The following STATH variants were observed in gnomAD, a reference collection of about 807,000 sequenced individuals.
STATH encodes statherin.
In STATH, 11 loss-of-function variants were observed where a neutral mutation model predicts 13.3. The ratio of observed to expected loss-of-function variants is 0.83; its 90% confidence interval spans 0.52 to 1.37. STATH has a LOEUF of 1.37. Ranked by LOEUF, STATH falls within the 40% of genes most tolerant of loss-of-function variation. The pLI, the probability that STATH is intolerant of heterozygous loss-of-function variation, is 0.00. For missense variants in STATH, 78 were observed against 73.3 expected (o/e 1.06, Z -0.24); for synonymous variants, 25 against 23.6 (o/e 1.06, Z -0.17).
At chr4:70,001,923 G>A (rs1724680860) in intron 5 of STATH, among the ~76,000 whole-genome samples, 2 of 151,758 alleles carry the variant, frequency 1.3e-5, no homozygotes, top group Admixed American at 1.3e-4. Context: ...AATGAAATGT[G>A]TAGGCTATAT....
intron 2 of STATH, 83 bp downstream of exon 2, chr4:69,998,571 T>A (rs1448457290): frequency 3.2e-6 from 4 of 1,251,766 alleles, no homozygotes; most frequent in Non-Finnish European, 4.5e-6. Flanking sequence ...TGGCATATAT[T>A]GGTGTTTACT....
intron 1 of STATH, among the ~76,000 whole-genome samples, 158 bp downstream of exon 1, chr4:69,996,183 T>G (rs1036107974): frequency 2.6e-5 from 4 of 152,160 alleles, no homozygotes; most frequent in Non-Finnish European, 5.9e-5. Flanking sequence ...GATCTGAAGG[T>G]AAGTTGAGAA....
intron 2 of STATH, 147 bp downstream of exon 2, chr4:69,998,635 A>C: frequency 1.9e-6 from 1 of 536,714 alleles, no homozygotes; most frequent in East Asian, 3.0e-5. Flanking sequence ...TTTTGTACTA[A>C]CCTACATAAG....
chr4:69,999,766 T>C lies in STATH; in HGVS notation c.73-14T>C. The C allele has an allele frequency of 6.2e-7, 1 of 1,612,084 alleles. No individual in the cohort carries two copies. The highest frequency in any genetic ancestry group is 8.5e-7 in the Non-Finnish European group (1 of 1,178,952). On this transcript the variant is annotated splice_polypyrimidine_tract_variant and intron_variant, in intron 3 of 5. Transcript: ENST00000246895. ...TTTGTATTGAATTATTAAACTTTTC[T>C]TCATTTTTCACAGAAATTTTTGCGT...
chr4:69,997,895 A>G (rs965184042), intron 1 of STATH, among the ~76,000 whole-genome samples: 1 of 152,120 alleles, frequency 6.6e-6, no homozygotes, highest in African/African-American at 2.4e-5. Context: ...TCTAACATCC[A>G]AACATCTCTT....
intron 1 of STATH, among the ~76,000 whole-genome samples, chr4:69,997,421 G>C (rs1286970173): frequency 6.6e-6 from 1 of 152,050 alleles, no homozygotes; most frequent in Non-Finnish European, 1.5e-5. Flanking sequence ...ATTGGTAAAA[G>C]AGATTAAAAT....
chr4:70,000,867 G>C lies in STATH; in HGVS notation c.107G>C (p.Gly36Ala), dbSNP rs759525189. 1 of 1,611,458 alleles carries C rather than the reference G, an allele frequency of 6.2e-7. No individual in the cohort carries two copies. Among genetic ancestry groups the C allele is most frequent in the Non-Finnish European group, 8.5e-7 (1 of 1,178,164 alleles). The change falls in exon 5 of 6, where the codon GGG becomes GCG. Residue 36 changes from glycine (G) to alanine (A), a missense_variant. Physicochemically the swap from Gly to Ala is moderately conservative, Grantham distance 60. Coordinates refer to ENST00000246895, the MANE Select transcript of STATH (RefSeq NM_003154.3). ...TTTCTCCTTGTGTGTATACAGTATG[G>C]GTATGGCCCTTATCAGCCAGTTCCA... ...FLRRIGRFGY[G>A]YGPYQPVPEQ...
intron 5 of STATH, 120 bp from the exon 6 acceptor site, chr4:70,002,069 C>G (rs530388104): frequency 6.6e-6 from 1 of 151,442 alleles, no homozygotes; most frequent in Non-Finnish European, 1.5e-5. Context: ...TTATTTTGGG[C>G]CCTGCATTTT....
chr4:70,000,447 G>A (rs181328030), intron 4 of STATH: 4 of 167,008 alleles, frequency 2.4e-5, no homozygotes, highest in Admixed American at 5.7e-5. Flanking sequence ...TGTAGGAATC[G>A]TAAGAGACAG....
At chr4:70,001,422 T>A (rs1441202023) in intron 5 of STATH, among the ~76,000 whole-genome samples, 1 of 151,836 alleles carries the variant, frequency 6.6e-6, no homozygotes, top group Non-Finnish European at 1.5e-5. Context: ...AATCTGTACC[T>A]AGGTGTTGCT....
rs1724691026 is a variant in STATH, at chr4:70,002,316, C to G, written c.*161C>G. ...AAAACACTATAATTTACTGTATACTCTTTGTTTCAGGATACTTGCCTTTTC... is the reference window on the plus strand; with the variant it reads ...AAAACACTATAATTTACTGTATACTGTTTGTTTCAGGATACTTGCCTTTTC... On this transcript the variant is annotated 3_prime_UTR_variant, in exon 6 of 6. Transcript: ENST00000246895. 6.6e-6 allele frequency: 1 copy of G among 151,572 alleles called. No homozygotes were observed. The highest frequency in any genetic ancestry group is 2.1e-4 in the South Asian group (1 of 4,822). The allele number at this position is 151,572 out of a possible 1,614,324, so 9.4% of individuals were successfully genotyped here.
At chr4:69,996,244 G>A (rs546695984) in intron 1 of STATH, among the ~76,000 whole-genome samples, 1 of 152,184 alleles carries the variant, frequency 6.6e-6, no homozygotes, top group African/African-American at 2.4e-5. Context: ...AGTAAATAAT[G>A]TGGAATATGG....
intron 4 of STATH, chr4:70,000,464 C>T (rs1219081150): frequency 1.7e-5 from 3 of 174,910 alleles, no homozygotes; most frequent in Non-Finnish European, 3.7e-5. Flanking sequence ...ACAGTAAGCT[C>T]ATTAAAAGAG....
At position 69,998,580 on chromosome 4, in the gene STATH, C is replaced by T. The variant is rs183964969; in HGVS notation, c.51+92C>T. 1.0e-4 allele frequency: 110 copies of T among 1,103,714 alleles called. 1 individual carries two copies. The African/African-American group carries it at 1.6e-3, about 16-fold the overall frequency. 68.4% of individuals were successfully genotyped at this position (1,103,714 alleles called of 1,614,324 possible). A position where few individuals can be genotyped will look rare whatever the true frequency, so the allele number is the denominator to read the frequency against. On this transcript the variant is annotated intron_variant, in intron 2 of 5. Transcript: ENST00000246895. ...GTGTTCTGGCATATATTGGTGTTTA[C>T]TTGAATACAGCTTTATATGTTTAAA...
At chr4:70,000,416 G>A (rs1336618752) in intron 4 of STATH, 1 of 162,344 alleles carries the variant, frequency 6.2e-6, no homozygotes, top group African/African-American at 2.4e-5. Context: ...TGTGTTAACA[G>A]AAGGAAGAAG....
At chr4:70,001,104 A>G (rs1724653830) in intron 5 of STATH, 122 bp downstream of exon 5, 4 of 641,732 alleles carry the variant, frequency 6.2e-6, no homozygotes, top group Non-Finnish European at 8.4e-6. Flanking sequence ...AGCCAGCTGT[A>G]TAGCTCCTTG....
At chr4:69,999,139 A>C (rs1724581458) in intron 2 of STATH, 1 of 152,960 alleles carries the variant, frequency 6.5e-6, no homozygotes, top group Non-Finnish European at 1.5e-5. Flanking sequence ...GAAACTGGCC[A>C]TGAAAGAATA....
chr4:69,998,571 TG>T, intron 2 of STATH, 83 bp downstream of exon 2: 2 of 1,251,884 alleles, frequency 1.6e-6, no homozygotes, highest in South Asian at 1.5e-5. Context: ...TGGCATATAT[TG>T]GTGTTTACTT....
At chr4:70,000,615 G>A (rs1299004460) in intron 4 of STATH, among the ~76,000 whole-genome samples, 1 of 151,744 alleles carries the variant, frequency 6.6e-6, no homozygotes. Flanking sequence ...TATAATCGGT[G>A]TTCCTGCATG....
Sources: gnomAD v4.1 joint callset for allele counts (sites outside exome capture counted in the v4.1 genomes callset) on GRCh38, gnomAD v4.1.1 for gene constraint, MANE v1.5 for transcripts, NCBI Gene and HGNC (gene_info 2026-07-23, HGNC 2026-07-21) for gene names.